COX7B2: variants seen among roughly 807,000 people sequenced by gnomAD.
COX7B2 encodes the protein cytochrome c oxidase subunit 7B2.
For synonymous variants in COX7B2, 37 were observed against 32.1 expected, an observed-to-expected ratio of 1.15 and a Z score of -0.51; for missense variants, 109 against 95.9, an observed-to-expected ratio of 1.14 and a Z score of -0.57.
intron 1 of COX7B2, among the ~76,000 whole-genome samples, chr4:46,900,295 C>T (rs1164010413): frequency 7.9e-5 from 12 of 152,246 alleles, no homozygotes; most frequent in Non-Finnish European, 8.8e-5. Flanking sequence ...ATTTACATAC[C>T]AAAGTGCTGG....
chr4:46,833,292 C>T (rs1366947178), intron 2 of COX7B2, among the ~76,000 whole-genome samples: 1 of 152,178 alleles, frequency 6.6e-6, no homozygotes, highest in Non-Finnish European at 1.5e-5. Context: ...TATGTCCTGG[C>T]ATCAACTTTA....
chr4:46,788,078 G>C (rs1297216913), intron 2 of COX7B2, among the ~76,000 whole-genome samples: 4 of 152,054 alleles, frequency 2.6e-5, no homozygotes, highest in Non-Finnish European at 4.4e-5. Flanking sequence ...TTTACAGATT[G>C]AGAAAATAAC....
chr4:46,874,447 C>T (rs963006857), intron 1 of COX7B2, among the ~76,000 whole-genome samples: 1 of 152,154 alleles, frequency 6.6e-6, no homozygotes, highest in African/African-American at 2.4e-5. Context: ...ATTGCTACAT[C>T]TAATGTGCAA....
chr4:46,856,595 A>T (rs190130930), intron 1 of COX7B2, among the ~76,000 whole-genome samples: 1 of 152,202 alleles, frequency 6.6e-6, no homozygotes. Flanking sequence ...TGACATCAAA[A>T]CTTTGGACAG....
chr4:46,816,465 A>G (rs1436245984), intron 2 of COX7B2, among the ~76,000 whole-genome samples: 1 of 152,064 alleles, frequency 6.6e-6, no homozygotes, highest in Non-Finnish European at 1.5e-5. Context: ...ATGGTACTTT[A>G]CTCATAACTC....
In COX7B2 at chr4:46,781,361, A is replaced by G. The variant is rs189532895; in HGVS notation, c.-49-46120T>C. Among the ~76,000 whole-genome samples, 187 of 152,350 alleles carry G rather than the reference A, an allele frequency of 1.2e-3. 1 individual carries two copies. Among genetic ancestry groups the G allele is most frequent in the African/African-American group, 4.3e-3 (177 of 41,578 alleles). On this transcript the variant is annotated intron_variant, in intron 2 of 2. Transcript: ENST00000355591. ...CATAAATTCCAGTCATGGTTAACAC[A>G]AACACACACATTCAGAAACCAAGAT... is the stretch of plus-strand genomic sequence containing the variant.
chr4:46,811,881 G>T (rs1719303555), intron 2 of COX7B2, among the ~76,000 whole-genome samples: 1 of 152,306 alleles, frequency 6.6e-6, no homozygotes, highest in Non-Finnish European at 1.5e-5. Context: ...CTTCCACTGT[G>T]ATCAATGTTA....
chr4:46,831,776 C>G (rs1409237931), intron 2 of COX7B2, among the ~76,000 whole-genome samples: 1 of 152,084 alleles, frequency 6.6e-6, no homozygotes, highest in African/African-American at 2.4e-5. Flanking sequence ...AATCAGCACT[C>G]TGTGTCTAGC....
intron 2 of COX7B2, among the ~76,000 whole-genome samples, chr4:46,764,280 C>G (rs151272792): frequency 0.013 from 1,930 of 152,296 alleles, 36 homozygotes; most frequent in African/African-American, 0.044. Flanking sequence ...CACAGTGGCT[C>G]ACGCCTGTAA....
chr4:46,753,893 G>T (rs1474654728), intron 2 of COX7B2, among the ~76,000 whole-genome samples: 1 of 152,126 alleles, frequency 6.6e-6, no homozygotes, highest in East Asian at 1.9e-4. Context: ...CCATCAACAA[G>T]TAGGCAGAGG....
At chr4:46,763,591 A>G (rs1394974656) in intron 2 of COX7B2, among the ~76,000 whole-genome samples, 1 of 152,112 alleles carries the variant, frequency 6.6e-6, no homozygotes, top group Non-Finnish European at 1.5e-5. Flanking sequence ...CATCACGCTT[A>G]TTTATAACTA....
chr4:46,889,620 T>G (rs1719302237), intron 1 of COX7B2, among the ~76,000 whole-genome samples: 1 of 152,054 alleles, frequency 6.6e-6, no homozygotes. Flanking sequence ...ATTCAATCAA[T>G]GGGTAATGGC....
At chr4:46,806,307 C>T (rs1178739428) in intron 2 of COX7B2, among the ~76,000 whole-genome samples, 2 of 150,674 alleles carry the variant, frequency 1.3e-5, no homozygotes, top group Non-Finnish European at 3.0e-5. Context: ...GCAGAAAAAA[C>T]AATACTAATG....
intron 1 of COX7B2, among the ~76,000 whole-genome samples, chr4:46,891,270 G>A (rs1019514033): frequency 6.6e-6 from 1 of 152,144 alleles, no homozygotes; most frequent in Non-Finnish European, 1.5e-5. Flanking sequence ...ATGTCCAAGG[G>A]AAAGATTCAA....
intron 2 of COX7B2, among the ~76,000 whole-genome samples, chr4:46,739,006 A>C (rs1270202003): frequency 2.0e-5 from 3 of 152,166 alleles, no homozygotes; most frequent in East Asian, 3.8e-4. Context: ...AACTACAATA[A>C]GGAAGTATAT....
intron 1 of COX7B2, among the ~76,000 whole-genome samples, chr4:46,867,154 C>G (rs1313309183): frequency 6.6e-6 from 1 of 152,196 alleles, no homozygotes; most frequent in Non-Finnish European, 1.5e-5. Context: ...ACCCAGGAAA[C>G]AGATATACTG....
intron 2 of COX7B2, among the ~76,000 whole-genome samples, chr4:46,741,266 G>C (rs557915535): frequency 2.0e-5 from 3 of 151,968 alleles, no homozygotes; most frequent in African/African-American, 7.2e-5. Context: ...GGTATATCAG[G>C]GTTTCCCAAT....
intron 2 of COX7B2, among the ~76,000 whole-genome samples, chr4:46,842,060 T>C (rs1320099108): frequency 6.6e-6 from 1 of 151,974 alleles, no homozygotes; most frequent in African/African-American, 2.4e-5. Context: ...TTTACCCCGA[T>C]TTTATATTAT....
chr4:46,753,482 A>C (rs1258271235), intron 2 of COX7B2, among the ~76,000 whole-genome samples: 2 of 151,652 alleles, frequency 1.3e-5, no homozygotes, highest in Admixed American at 6.6e-5. Context: ...CTGTTTAATA[A>C]ATGGTGCTGG....
Sources: allele counts gnomAD v4.1 joint callset (sites outside exome capture counted in the v4.1 genomes callset), GRCh38; gene constraint gnomAD v4.1.1; transcripts MANE v1.5; gene names NCBI Gene and HGNC (gene_info 2026-07-23, HGNC 2026-07-21).